The following UBE2H variants were observed in gnomAD, a reference collection of about 807,000 sequenced individuals.
The protein encoded by UBE2H is ubiquitin conjugating enzyme E2 H.
Under a neutral mutation model 29.0 loss-of-function variants are expected in UBE2H, and 3 were observed. That is an observed-to-expected ratio of 0.10 (90% CI 0.05 to 0.27). UBE2H has a LOEUF of 0.27. Among genes scored for constraint, UBE2H ranks in the 10% least tolerant of loss-of-function variants. The pLI, the probability that UBE2H is intolerant of heterozygous loss-of-function variation, is 1.00. For missense variants in UBE2H, 68 were observed against 228.2 expected (o/e 0.30, Z 4.52); for synonymous variants, 69 against 82.9 (o/e 0.83, Z 0.91).
At chr7:129,928,060 C>T (rs1807308013) in intron 1 of UBE2H, among the ~76,000 whole-genome samples, 1 of 149,558 alleles carries the variant, frequency 6.7e-6, no homozygotes, top group African/African-American at 2.5e-5. Context: ...TGGCTGGGCT[C>T]AGTGGCTCAC....
At chr7:129,944,314 C>A (rs2116525118) in intron 1 of UBE2H, among the ~76,000 whole-genome samples, 1 of 152,102 alleles carries the variant, frequency 6.6e-6, no homozygotes, top group African/African-American at 2.4e-5. Flanking sequence ...CGAGATCGCG[C>A]CACTACACTC....
At chr7:129,851,177 A>G (rs1563022034) in intron 5 of UBE2H, among the ~76,000 whole-genome samples, 1 of 152,220 alleles carries the variant, frequency 6.6e-6, no homozygotes. Flanking sequence ...ATAGATCACA[A>G]TGAAGAAAAC....
chr7:129,917,235 TGCC>T (rs1318540772), intron 1 of UBE2H, among the ~76,000 whole-genome samples: 4 of 152,228 alleles, frequency 2.6e-5, no homozygotes, highest in African/African-American at 9.6e-5. Context: ...TCTCACATGT[TGCC>T]TACAAATTCG....
At chr7:129,858,386 CAAACAATA>C (rs1805744035) in intron 4 of UBE2H, among the ~76,000 whole-genome samples, 1 of 151,952 alleles carries the variant, frequency 6.6e-6, no homozygotes, top group Non-Finnish European at 1.5e-5. Flanking sequence ...AATTGCATCC[CAAACAATA>C]ATATATTCTA....
chr7:129,910,644 G>C (rs1032224781), intron 1 of UBE2H, among the ~76,000 whole-genome samples: 6 of 152,104 alleles, frequency 3.9e-5, no homozygotes, highest in African/African-American at 1.4e-4. Flanking sequence ...CACTTTGGAA[G>C]GCCGAGGAAG....
At chr7:129,883,422 C>T (rs899090076) in intron 1 of UBE2H, among the ~76,000 whole-genome samples, 1 of 152,086 alleles carries the variant, frequency 6.6e-6, no homozygotes, top group Non-Finnish European at 1.5e-5. Flanking sequence ...TCACCGAAAC[C>T]GATGTTTAAG....
intron 1 of UBE2H, among the ~76,000 whole-genome samples, chr7:129,934,402 C>T (rs892182957): frequency 4.6e-5 from 7 of 151,990 alleles, no homozygotes; most frequent in Non-Finnish European, 1.0e-4. Context: ...CTTTGGGAGG[C>T]CAAGGCGGGT....
At chr7:129,870,613 T>C (rs1430868046) in intron 3 of UBE2H, among the ~76,000 whole-genome samples, 3 of 152,224 alleles carry the variant, frequency 2.0e-5, no homozygotes, top group African/African-American at 7.2e-5. Context: ...CAAAGTTTCT[T>C]GACCTTGGCA....
intron 5 of UBE2H, among the ~76,000 whole-genome samples, chr7:129,844,561 A>AT (rs1563019799): frequency 1.3e-5 from 2 of 152,154 alleles, no homozygotes; most frequent in Admixed American, 1.3e-4. Context: ...TTAACCTTCA[A>AT]TTTTTTTAAA....
chr7:129,941,886 C>CA (rs553134821), intron 1 of UBE2H, among the ~76,000 whole-genome samples: 3 of 150,912 alleles, frequency 2.0e-5, no homozygotes, highest in African/African-American at 4.9e-5. Context: ...CTTAAGATGC[C>CA]AAAAAAAAAT....
chr7:129,952,053 T>C (rs1379628918), intron 1 of UBE2H, among the ~76,000 whole-genome samples: 4 of 151,948 alleles, frequency 2.6e-5, no homozygotes, highest in African/African-American at 4.8e-5. Context: ...CAAGCAGCAT[T>C]GTGGTTGGAG....
At chr7:129,921,496 A>G (rs117605809) in intron 1 of UBE2H, among the ~76,000 whole-genome samples, 9,475 of 152,132 alleles carry the variant, frequency 0.062, 366 homozygotes, top group Non-Finnish European at 0.091. Context: ...TCAGGCGTTC[A>G]AGACCAGGCT....
intron 6 of UBE2H, among the ~76,000 whole-genome samples, chr7:129,836,362 G>A (rs995704530): frequency 6.6e-6 from 1 of 152,096 alleles, no homozygotes; most frequent in Non-Finnish European, 1.5e-5. Context: ...CTTTGAGAGA[G>A]AGAAAGGAAG....
intron 1 of UBE2H, among the ~76,000 whole-genome samples, chr7:129,936,039 T>C (rs1807521477): frequency 6.6e-6 from 1 of 152,204 alleles, no homozygotes; most frequent in South Asian, 2.1e-4. Context: ...GTAATACTAG[T>C]ATTTGCAGTC....
intron 3 of UBE2H, among the ~76,000 whole-genome samples, chr7:129,861,784 A>C (rs566317888): frequency 3.3e-5 from 5 of 152,086 alleles, no homozygotes; most frequent in Non-Finnish European, 7.4e-5. Context: ...CCAGCTACTC[A>C]GGAGGCTGAG....
chr7:129,838,241 TA>T (rs908663733), intron 6 of UBE2H, among the ~76,000 whole-genome samples: 3 of 152,208 alleles, frequency 2.0e-5, no homozygotes, highest in African/African-American at 7.2e-5. Context: ...CAATACCCTA[TA>T]GAGACCTTGG....
At position 129,930,303 on chromosome 7, in the gene UBE2H, A is replaced by C. The variant is rs139270547; in HGVS notation, c.53+22200T>G. On this transcript the variant is annotated intron_variant, in intron 1 of 6. Transcript: ENST00000355621. ...CAGCCTCCGGAGTAGCTGGGATTAC[A>C]GGCATGCGCCACCATGACCAGCTAA... is the stretch of plus-strand genomic sequence containing the variant. 7.2e-3 allele frequency among the ~76,000 whole-genome samples: 1,100 copies of C among 152,204 alleles called. 2 individuals are homozygous for C. Among genetic ancestry groups the C allele is most frequent in the Middle Eastern group, 0.014 (4 of 294 alleles).
intron 5 of UBE2H, among the ~76,000 whole-genome samples, chr7:129,851,862 A>G (rs1370436742): frequency 6.6e-6 from 1 of 152,226 alleles, no homozygotes; most frequent in Non-Finnish European, 1.5e-5. Flanking sequence ...ATTTCCAAGC[A>G]GACAGATAAA....
At position 129,831,859 on chromosome 7, in the gene UBE2H, C is replaced by CTTGA. The variant is rs1481661992; in HGVS notation, c.*3074_*3077dup. On this transcript the variant is annotated 3_prime_UTR_variant, in exon 7 of 7. Transcript: ENST00000355621. ...CTTGCTTGTTGGTGTTTGGCAAGAG[C>CTTGA]TTGAGCTCAGTTATGTGAACAGGGG... The CTTGA allele has an allele frequency of 1.3e-5, 2 of 152,222 alleles. No individual in the cohort carries two copies. The highest frequency in any genetic ancestry group is 2.9e-5 in the Non-Finnish European group (2 of 68,054). The allele number at this position is 152,222 out of a possible 1,614,324, so 9.4% of individuals were successfully genotyped here.
Sources: allele counts gnomAD v4.1 joint callset (sites outside exome capture counted in the v4.1 genomes callset), GRCh38; gene constraint gnomAD v4.1.1; transcripts MANE v1.5; gene names NCBI Gene and HGNC (gene_info 2026-07-23, HGNC 2026-07-21).